Variants in BRD10 observed in about 807,000 individuals in gnomAD.
BRD10 encodes the protein bromodomain containing 10, also known as uncharacterized bromodomain-containing protein 10.
At chr9:5,976,918 A>T in the BRD10 span, among the ~76,000 whole-genome samples, 9 of 152,176 alleles carry the variant, frequency 5.9e-5, no homozygotes, top group Non-Finnish European at 1.3e-4. Context: ...GAAGAAAATG[A>T]AAGGGAAAGT....
At chr9:5,995,672 C>G in the BRD10 span, among the ~76,000 whole-genome samples, 2 of 152,174 alleles carry the variant, frequency 1.3e-5, no homozygotes, top group African/African-American at 4.8e-5. Context: ...TTTAGTCAAC[C>G]TTTCTATACC....
At chr9:5,972,913 A>G in the BRD10 span, among the ~76,000 whole-genome samples, 1 of 152,216 alleles carries the variant, frequency 6.6e-6, no homozygotes, top group South Asian at 2.1e-4. Flanking sequence ...ATTTCCATTC[A>G]GAGTAAAAAT....
the BRD10 span, among the ~76,000 whole-genome samples, chr9:5,925,036 T>C: frequency 6.6e-6 from 1 of 152,150 alleles, no homozygotes; most frequent in Non-Finnish European, 1.5e-5. Context: ...ACCTATGGTA[T>C]AGGCATAAGA....
chr9:5,980,872 G>A, the BRD10 span, among the ~76,000 whole-genome samples: 2 of 152,036 alleles, frequency 1.3e-5, no homozygotes, highest in African/African-American at 4.8e-5. Context: ...TTTAACCTAC[G>A]TAACAAAATG....
the BRD10 span, among the ~76,000 whole-genome samples, chr9:5,942,294 A>G: frequency 6.6e-6 from 1 of 152,170 alleles, no homozygotes; most frequent in African/African-American, 2.4e-5. Context: ...GAGTCAGGGA[A>G]GTTTTTCCAT....
chr9:5,924,602 C>T, the BRD10 span: 9 of 1,128,232 alleles, frequency 8.0e-6, no homozygotes, highest in Middle Eastern at 6.5e-4. Context: ...TCACAGCAAA[C>T]AAAAACTTCT....
At chr9:5,890,693 G>A in the BRD10 span, 1 of 152,088 alleles carries the variant, frequency 6.6e-6, no homozygotes, top group Admixed American at 6.5e-5. Context: ...GGCTTCCCTA[G>A]GATAGAGCAC....
chr9:5,968,426 C>G, the BRD10 span: 1 of 1,612,884 alleles, frequency 6.2e-7, no homozygotes, highest in Non-Finnish European at 8.5e-7. Flanking sequence ...AAGAGGCTCT[C>G]CAAAGCCAGT....
At chr9:5,974,347 T>C in the BRD10 span, among the ~76,000 whole-genome samples, 12 of 152,262 alleles carry the variant, frequency 7.9e-5, no homozygotes, top group South Asian at 2.5e-3. Context: ...AAAACTTCCA[T>C]GTAGTGTCTT....
the BRD10 span, chr9:5,922,630 T>C: frequency 3.7e-5 from 60 of 1,613,868 alleles, no homozygotes; most frequent in South Asian, 5.9e-4. Flanking sequence ...GTGGCACTTC[T>C]TTTGCAACTG....
the BRD10 span, chr9:5,968,747 G>A: frequency 6.2e-7 from 1 of 1,613,836 alleles, no homozygotes; most frequent in Non-Finnish European, 8.5e-7. Context: ...GGGTGGAATT[G>A]GAAATTCTGG....
chr9:5,916,422 A>C, the BRD10 span, among the ~76,000 whole-genome samples: 1 of 152,160 alleles, frequency 6.6e-6, no homozygotes, highest in African/African-American at 2.4e-5. Context: ...ATTATTAAAT[A>C]CACCAATAAA....
At chr9:5,965,074 G>GA in the BRD10 span, among the ~76,000 whole-genome samples, 1 of 116,752 alleles carries the variant, frequency 8.6e-6, no homozygotes, top group African/African-American at 3.2e-5. Flanking sequence ...AAAAAAAAAA[G>GA]AAAAAAAAAT....
the BRD10 span, among the ~76,000 whole-genome samples, chr9:5,883,748 A>T: frequency 6.6e-6 from 1 of 152,130 alleles, no homozygotes; most frequent in African/African-American, 2.4e-5. Flanking sequence ...CTGGGATTAC[A>T]GGCATGAGCC....
chr9:5,901,451 TC>T, the BRD10 span, among the ~76,000 whole-genome samples: 1 of 152,258 alleles, frequency 6.6e-6, no homozygotes, highest in African/African-American at 2.4e-5. Flanking sequence ...AAATGCTTTT[TC>T]TACATCTATT....
At chr9:6,007,614 T>C in the BRD10 span, 2 of 1,604,692 alleles carry the variant, frequency 1.2e-6, no homozygotes, top group African/African-American at 2.7e-5. Flanking sequence ...CCTCCATCTC[T>C]TCCTCCTGAT....
the BRD10 span, chr9:5,968,422 C>T: frequency 6.2e-7 from 1 of 1,612,716 alleles, no homozygotes; most frequent in Non-Finnish European, 8.5e-7. Context: ...GACTAAGAGG[C>T]TCTCCAAAGC....
chr9:5,954,087 A>AT, the BRD10 span: 8 of 1,540,626 alleles, frequency 5.2e-6, no homozygotes, highest in Non-Finnish European at 1.8e-6. Context: ...TTAGAGACGG[A>AT]TTTTTTTCCT....
At chr9:6,003,377 C>T in the BRD10 span, among the ~76,000 whole-genome samples, 135,536 of 152,142 alleles carry the variant, frequency 0.89, 61,331 homozygotes, top group Non-Finnish European at 0.99. Flanking sequence ...ATTTGACGTT[C>T]TCTAAAGTTC....
Sources: gnomAD v4.1 joint callset for allele counts (sites outside exome capture counted in the v4.1 genomes callset) on GRCh38, gnomAD v4.1.1 for gene constraint, MANE v1.5 for transcripts, NCBI Gene and HGNC (gene_info 2026-07-23, HGNC 2026-07-21) for gene names.